ADAM12: variants seen among roughly 807,000 people sequenced by gnomAD.
ADAM12 encodes disintegrin and metalloproteinase domain-containing protein 12.
In ADAM12, 70 loss-of-function variants were observed where a neutral mutation model predicts 106.4. The observed-to-expected ratio is 0.66, with a 90% CI of 0.54 to 0.80. The LOEUF (loss-of-function observed/expected upper bound fraction) is 0.80. Among genes scored for constraint, ADAM12 ranks in the 30% least tolerant of loss-of-function variants. ADAM12 has a pLI of 0.00. For missense variants in ADAM12, 1,010 were observed against 1,171.9 expected (o/e 0.86, Z 2.02); for synonymous variants, 420 against 433.5 (o/e 0.97, Z 0.39).
chr10:126,377,404 A>C (rs916886572), intron 1 of ADAM12, among the ~76,000 whole-genome samples: 4 of 152,222 alleles, frequency 2.6e-5, no homozygotes, highest in African/African-American at 9.6e-5. Flanking sequence ...CAAGGGAAAG[A>C]AGCATCCAGC....
chr10:126,267,974 C>T (rs2366471), intron 3 of ADAM12, among the ~76,000 whole-genome samples: 60,589 of 151,986 alleles, frequency 0.4, 13,842 homozygotes, highest in Non-Finnish European at 0.52. Flanking sequence ...ATACACATAA[C>T]ATAAAATTTA....
At chr10:126,070,311 G>C (rs1180885222) in intron 12 of ADAM12, 1 of 152,206 alleles carries the variant, frequency 6.6e-6, no homozygotes, top group Non-Finnish European at 1.5e-5. Flanking sequence ...TAAGTTCTGA[G>C]TTTGGCAAGG....
intron 3 of ADAM12, among the ~76,000 whole-genome samples, chr10:126,163,311 T>C (rs1956968971): frequency 6.6e-6 from 1 of 152,230 alleles, no homozygotes; most frequent in African/African-American, 2.4e-5. Flanking sequence ...CTCCTACGGT[T>C]TGGAGACACA....
chr10:126,165,468 C>T (rs1308780478), intron 3 of ADAM12, among the ~76,000 whole-genome samples: 1 of 152,208 alleles, frequency 6.6e-6, no homozygotes, highest in East Asian at 1.9e-4. Flanking sequence ...GGGGCATTCG[C>T]TTTTGATACG....
In ADAM12 at chr10:126,016,015, T is replaced by G. The variant is rs1953654794; in HGVS notation, c.*1264A>C. ...AAGTTGATTTCCTTATCACATTCTG[T>G]GATGCTCAACAGGTAGGTTGCAAGT... On this transcript the variant is annotated 3_prime_UTR_variant, in exon 23 of 23. Transcript: ENST00000448723. 6.6e-6 allele frequency: 1 copy of G among 152,196 alleles called. No individual in the cohort carries two copies. The highest frequency in any genetic ancestry group is 2.4e-5 in the African/African-American group (1 of 41,456). 9.4% of individuals were successfully genotyped at this position (152,196 alleles called of 1,614,324 possible).
At chr10:126,352,049 C>T (rs961054413) in intron 1 of ADAM12, among the ~76,000 whole-genome samples, 3 of 152,200 alleles carry the variant, frequency 2.0e-5, no homozygotes, top group Admixed American at 2.0e-4. Context: ...CCTCAAAGGG[C>T]CAGACACACC....
chr10:126,363,533 A>G (rs1413452395), intron 1 of ADAM12, among the ~76,000 whole-genome samples: 1 of 152,068 alleles, frequency 6.6e-6, no homozygotes, highest in Non-Finnish European at 1.5e-5. Flanking sequence ...AAGAGGTAGA[A>G]CCTCCTTCCC....
chr10:126,106,340 C>T (rs1955766934), intron 8 of ADAM12, among the ~76,000 whole-genome samples: 1 of 152,140 alleles, frequency 6.6e-6, no homozygotes, highest in Non-Finnish European at 1.5e-5. Flanking sequence ...GTGCAAAGCA[C>T]TTAGAGCCCG....
In ADAM12 at chr10:126,064,996, C is replaced by T. The variant is rs372135970; in HGVS notation, c.1419G>A (p.Lys473=). 42 of 1,609,330 alleles carry T rather than the reference C, an allele frequency of 2.6e-5. No individual in the cohort carries two copies. The East Asian group carries it at 2.7e-4, about 10-fold the overall frequency. Residue 473 remains lysine (K), a synonymous_variant, in exon 14 of 23, where the codon AAG becomes AAA. Coordinates refer to ENST00000448723, the MANE Select transcript of ADAM12 (RefSeq NM_001288973.2). The surrounding 1 kb of genome is among the most constrained non-coding windows in gnomAD (Gnocchi z 4.4). ...AGTCCCTGCACGCTGTTCCTGCAGG[C>T]TTCAGCTGGAAGGAGAGGGCCATTT... ...HGLCCEDCQL[K]PAGTACRDSS...
Position 126,121,284 on chromosome 10 carries a change from ATAT to A in ADAM12, c.417-3063_417-3061del, listed in dbSNP as rs529113852. ...TATATTATATAATATATAATATACT[ATAT>A]TATATTATACATGTAATATATATTA... On this transcript the variant is annotated intron_variant, in intron 5 of 22. Coordinates refer to ENST00000448723, the MANE Select transcript of ADAM12 (RefSeq NM_001288973.2). 8.1e-3 allele frequency among the ~76,000 whole-genome samples: 913 copies of A among 113,398 alleles called. 19 individuals carry two copies. Among genetic ancestry groups the A allele is most frequent in the African/African-American group, 0.031 (855 of 27,884 alleles). 74.4% of individuals were successfully genotyped at this position (113,398 alleles called of 152,430 possible).
intron 2 of ADAM12, among the ~76,000 whole-genome samples, chr10:126,313,711 G>A (rs34823366): frequency 0.23 from 35,571 of 151,836 alleles, 4,421 homozygotes; most frequent in Middle Eastern, 0.33. Flanking sequence ...ATATATCACT[G>A]GTATTTATCA....
chr10:126,159,266 T>C (rs550437262), intron 3 of ADAM12, among the ~76,000 whole-genome samples: 32 of 123,822 alleles, frequency 2.6e-4, no homozygotes, highest in Middle Eastern at 6.7e-3. Flanking sequence ...GCCGAGATCA[T>C]GCCACTGCAC....
chr10:126,135,561 C>T (rs370522186), intron 5 of ADAM12, 23 bp downstream of exon 5: 134 of 1,608,342 alleles, frequency 8.3e-5, no homozygotes, highest in Non-Finnish European at 9.9e-5. Context: ...AAGACTAGAG[C>T]CGCCATGGTC....
At chr10:126,191,688 C>T (rs1957504201) in intron 3 of ADAM12, among the ~76,000 whole-genome samples, 1 of 152,162 alleles carries the variant, frequency 6.6e-6, no homozygotes, top group Admixed American at 6.5e-5. Context: ...ATGTTGAATG[C>T]TGTGGACAAT....
chr10:126,338,787 G>A (rs1032166968), intron 1 of ADAM12, among the ~76,000 whole-genome samples: 1 of 152,162 alleles, frequency 6.6e-6, no homozygotes, highest in African/African-American at 2.4e-5. Context: ...AATGATGTAA[G>A]GGGAAAATGA....
intron 3 of ADAM12, among the ~76,000 whole-genome samples, chr10:126,254,198 C>T: frequency 6.6e-6 from 1 of 152,308 alleles, no homozygotes; most frequent in East Asian, 1.9e-4. Context: ...CAGGCAGCCT[C>T]CCTGGGTCTG....
intron 5 of ADAM12, among the ~76,000 whole-genome samples, chr10:126,128,130 T>C (rs1956236205): frequency 6.6e-6 from 1 of 152,098 alleles, no homozygotes; most frequent in South Asian, 2.1e-4. Flanking sequence ...ACTTTTGTGG[T>C]CTCTGCTTTT....
intron 14 of ADAM12, among the ~76,000 whole-genome samples, chr10:126,054,039 TC>T (rs1954572109): frequency 6.6e-6 from 1 of 152,142 alleles, no homozygotes; most frequent in Non-Finnish European, 1.5e-5. Flanking sequence ...CATGGCACAT[TC>T]CCTGCACTTC....
intron 3 of ADAM12, among the ~76,000 whole-genome samples, chr10:126,176,393 G>A (rs992154187): frequency 6.6e-6 from 1 of 152,134 alleles, no homozygotes; most frequent in Admixed American, 6.5e-5. Context: ...GGCCTCCTAG[G>A]GTATTCATTT....
Sources: gnomAD v4.1 joint callset for allele counts (sites outside exome capture counted in the v4.1 genomes callset) on GRCh38, gnomAD v4.1.1 for gene constraint, Gnocchi (gnomAD v3.1) non-coding constraint, MANE v1.5 for transcripts, NCBI Gene and HGNC (gene_info 2026-07-23, HGNC 2026-07-21) for gene names.